Variants in PSD3 observed in about 807,000 individuals in gnomAD.
PSD3 encodes pleckstrin and Sec7 domain containing 3, also known as PH and SEC7 domain-containing protein 3.
PSD3 carries 49 observed loss-of-function variants against 105.5 expected under a neutral mutation model. That is an observed-to-expected ratio of 0.46 (90% CI 0.37 to 0.59). The LOEUF (loss-of-function observed/expected upper bound fraction) is 0.59, where lower values mean the gene tolerates loss of function less well. PSD3 is among the 20% of genes least tolerant of loss of function. The probability of loss-of-function intolerance (pLI) is 0.00; values close to 1 mark genes in which losing one functional copy is unlikely to be tolerated. For synonymous variants in PSD3, 557 were observed against 457.8 expected, an observed-to-expected ratio of 1.22 and a Z score of -2.77; for missense variants, 1,561 against 1,263.8, an observed-to-expected ratio of 1.24 and a Z score of -3.57.
At chr8:18,931,679 G>A (rs1026484945) in intron 2 of PSD3, among the ~76,000 whole-genome samples, 3 of 152,150 alleles carry the variant, frequency 2.0e-5, no homozygotes, top group African/African-American at 7.2e-5. Context: ...AACAGTTCAG[G>A]TGACGGCAGC....
At chr8:18,808,608 A>G in intron 4 of PSD3, 1 of 1,111,174 alleles carries the variant, frequency 9.0e-7, no homozygotes, top group Non-Finnish European at 1.3e-6. Flanking sequence ...GTTTCAGTAA[A>G]AGGAGAAAAT....
At chr8:18,539,634 G>A (rs1463489088) in intron 15 of PSD3, among the ~76,000 whole-genome samples, 1 of 146,918 alleles carries the variant, frequency 6.8e-6, no homozygotes, top group East Asian at 2.0e-4. Context: ...TGCAACCTCT[G>A]CCGACTGGGT....
chr8:18,602,173 G>A (rs1277397485), intron 11 of PSD3, among the ~76,000 whole-genome samples: 1 of 150,130 alleles, frequency 6.7e-6, no homozygotes, highest in African/African-American at 2.5e-5. Context: ...TAATTTATTG[G>A]CATCTTGCGA....
intron 1 of PSD3, among the ~76,000 whole-genome samples, chr8:18,954,192 C>T (rs563655222): frequency 2.0e-5 from 3 of 151,942 alleles, no homozygotes; most frequent in South Asian, 4.2e-4. Flanking sequence ...AATATTAACA[C>T]GGCACATAAA....
At position 19,065,757 on chromosome 8, in the gene PSD3, G is replaced by A. The variant is rs1829054489; in HGVS notation, c.324+18449C>T. ...AGTTGCTCAAGCCCTAACCTTTTGA[G>A]TTTTTATGAAGGCTTCATTATATGG... is the stretch of plus-strand genomic sequence containing the variant. On this transcript the variant is annotated intron_variant, in intron 1 of 1. Coordinates refer to the PSD3 transcript ENST00000521475. 2.0e-5 allele frequency among the ~76,000 whole-genome samples: 3 copies of A among 152,230 alleles called. No homozygotes were observed. The South Asian group carries it at 6.2e-4, about 32-fold the overall frequency.
At chr8:18,593,261 T>G (rs913076687) in intron 12 of PSD3, among the ~76,000 whole-genome samples, 1 of 152,126 alleles carries the variant, frequency 6.6e-6, no homozygotes, top group Non-Finnish European at 1.5e-5. Context: ...TACAATGAAC[T>G]CAAACAAATT....
intron 1 of PSD3, among the ~76,000 whole-genome samples, chr8:18,968,206 T>A (rs1161545769): frequency 6.6e-6 from 1 of 152,206 alleles, no homozygotes; most frequent in African/African-American, 2.4e-5. Flanking sequence ...TAAGAAAACC[T>A]TATGTTTCTA....
intron 9 of PSD3, among the ~76,000 whole-genome samples, chr8:18,747,360 T>A (rs1805113136): frequency 6.6e-6 from 1 of 152,292 alleles, no homozygotes; most frequent in Admixed American, 6.5e-5. Context: ...AAAGGTTTGG[T>A]TTCATTTTTA....
chr8:19,074,559 A>G, intron 1 of PSD3, among the ~76,000 whole-genome samples: 1 of 144,554 alleles, frequency 6.9e-6, no homozygotes, highest in Admixed American at 6.9e-5. Flanking sequence ...ATGACTTTGA[A>G]TAAAAGGTAT....
chr8:19,035,404 G>C (rs1827907274), intron 1 of PSD3, among the ~76,000 whole-genome samples: 1 of 152,128 alleles, frequency 6.6e-6, no homozygotes, highest in Non-Finnish European at 1.5e-5. Context: ...ACAGTGTTTA[G>C]TGTTAATGCT....
rs1287586418 is a variant in PSD3, at chr8:18,571,034, ATTTTTT to A, written c.2784+1488_2784+1493del. On this transcript the variant is annotated intron_variant, in intron 14 of 15. Transcript: ENST00000327040. ...ACCACTGCGCCTGGCTAATTTTTGT[ATTTTTT>A]ACTAGAGACAGGGTTTTACCATGCT... Among the ~76,000 whole-genome samples the A allele has an allele frequency of 6.6e-5, 10 of 151,748 alleles. No homozygotes were observed. The South Asian group carries it at 1.9e-3, about 29-fold the overall frequency.
At chr8:18,543,001 A>G (rs1429011565) in intron 15 of PSD3, among the ~76,000 whole-genome samples, 2 of 152,234 alleles carry the variant, frequency 1.3e-5, no homozygotes, top group African/African-American at 4.8e-5. Flanking sequence ...CAGTGTAAGC[A>G]TAATATAATT....
intron 4 of PSD3, chr8:18,849,380 T>C (rs758766715): frequency 1.3e-5 from 2 of 152,244 alleles, no homozygotes; most frequent in Non-Finnish European, 2.9e-5. Context: ...CCATGCACTA[T>C]GCATCAGACA....
intron 1 of PSD3, among the ~76,000 whole-genome samples, chr8:18,968,878 C>CA (rs1824454772): frequency 7.6e-5 from 3 of 39,240 alleles, no homozygotes. Context: ...AAAAATGTCT[C>CA]CAAAAAAAAA....
intron 9 of PSD3, among the ~76,000 whole-genome samples, chr8:18,698,467 G>C (rs1477229656): frequency 6.6e-6 from 1 of 151,998 alleles, no homozygotes; most frequent in Non-Finnish European, 1.5e-5. Flanking sequence ...CAGAGAAGAC[G>C]GGATGACAGA....
At chr8:18,802,319 G>C (rs1332529602) in intron 6 of PSD3, 2 of 427,264 alleles carry the variant, frequency 4.7e-6, no homozygotes, top group East Asian at 7.0e-5. Context: ...GATGAATCCA[G>C]ATGACCCTCA....
intron 2 of PSD3, among the ~76,000 whole-genome samples, chr8:18,892,227 CT>C (rs36035049): frequency 0.065 from 9,352 of 144,084 alleles, 630 homozygotes; most frequent in African/African-American, 0.19. Flanking sequence ...ACCATATAAA[CT>C]TTTTTTTTTT....
chr8:18,656,557 G>A (rs1326054739), intron 9 of PSD3, among the ~76,000 whole-genome samples: 1 of 152,042 alleles, frequency 6.6e-6, no homozygotes, highest in East Asian at 1.9e-4. Flanking sequence ...ATTACATTTT[G>A]GGTGTGTGTG....
chr8:18,666,232 G>A (rs1799445274), intron 9 of PSD3, among the ~76,000 whole-genome samples: 1 of 152,160 alleles, frequency 6.6e-6, no homozygotes, highest in South Asian at 2.1e-4. Flanking sequence ...TGTATTTTTA[G>A]TAGAGACAGG....
Sources: gnomAD v4.1 joint callset for allele counts (sites outside exome capture counted in the v4.1 genomes callset) on GRCh38, gnomAD v4.1.1 for gene constraint, MANE v1.5 for transcripts, NCBI Gene and HGNC (gene_info 2026-07-23, HGNC 2026-07-21) for gene names.